Variants in NARS2 observed in about 807,000 individuals in gnomAD.
The protein encoded by NARS2 is asparaginyl-tRNA synthetase 2, mitochondrial, also known as asparaginyl-tRNA synthetase.
Under a neutral mutation model 62.9 loss-of-function variants are expected in NARS2, and 60 were observed. The ratio of observed to expected loss-of-function variants is 0.95; its 90% CI spans 0.77 to 1.18. The LOEUF (loss-of-function observed/expected upper bound fraction) is 1.18. Among genes scored for constraint, NARS2 ranks in the 50% most tolerant of loss-of-function variants. The pLI is 0.00. For synonymous variants in NARS2, 196 were observed against 200.0 expected, an observed-to-expected ratio of 0.98 and a Z score of 0.17; for missense variants, 619 against 576.4, an observed-to-expected ratio of 1.07 and a Z score of -0.76.
At chr11:78,558,429 G>A (rs767755366) in intron 5 of NARS2, 9 of 152,050 alleles carry the variant, frequency 5.9e-5, no homozygotes, top group South Asian at 4.1e-4. Flanking sequence ...GCACTGAACC[G>A]GAGAAAGCAG....
intron 9 of NARS2, among the ~76,000 whole-genome samples, chr11:78,475,777 T>A (rs1423629938): frequency 6.6e-6 from 1 of 151,804 alleles, no homozygotes; most frequent in Non-Finnish European, 1.5e-5. Flanking sequence ...ATTTATTTAT[T>A]TTTTGTAGAG....
At chr11:78,557,633 TCCCACAAATTCCTTTC>T (rs1856402144) in intron 5 of NARS2, among the ~76,000 whole-genome samples, 1 of 152,180 alleles carries the variant, frequency 6.6e-6, no homozygotes, top group Admixed American at 6.5e-5. Flanking sequence ...GCAAATTCAA[TCCCACAAATTCCTTTC>T]CCTGGCTCTG....
At chr11:78,480,660 C>A (rs1368856265) in intron 7 of NARS2, among the ~76,000 whole-genome samples, 1 of 146,858 alleles carries the variant, frequency 6.8e-6, no homozygotes, top group African/African-American at 2.5e-5. Flanking sequence ...CTATTTAAGG[C>A]ACTGATCACA....
At chr11:78,452,107 A>T (rs1460030447) in intron 11 of NARS2, among the ~76,000 whole-genome samples, 2 of 150,378 alleles carry the variant, frequency 1.3e-5, no homozygotes, top group African/African-American at 2.4e-5. Flanking sequence ...AAATTTTTCA[A>T]TTTTTTTTTT....
At chr11:78,544,840 C>T (rs192910149) in intron 5 of NARS2, among the ~76,000 whole-genome samples, 1,601 of 149,004 alleles carry the variant, frequency 0.011, 33 homozygotes, top group African/African-American at 0.038. Flanking sequence ...ATTAGCTGCG[C>T]GTGGTGGTGG....
intron 9 of NARS2, among the ~76,000 whole-genome samples, chr11:78,470,956 C>A (rs1393377787): frequency 6.8e-6 from 1 of 147,314 alleles, no homozygotes; most frequent in Non-Finnish European, 1.5e-5. Context: ...AATAATTTAT[C>A]CAGCACAAAC....
At chr11:78,441,178 G>C in intron 12 of NARS2, 61 bp from the exon 13 acceptor site, 1 of 1,468,534 alleles carries the variant, frequency 6.8e-7, no homozygotes, top group East Asian at 2.3e-5. Context: ...TTAACCACTA[G>C]ACATTTATTC....
chr11:78,571,400 C>T lies in NARS2; in HGVS notation c.186G>A (p.Leu62=). 3 of 1,613,494 alleles carry T rather than the reference C, an allele frequency of 1.9e-6. No individual in the cohort carries two copies. Among genetic ancestry groups the T allele is most frequent in the Non-Finnish European group, 2.5e-6 (3 of 1,179,884 alleles). The part of the protein sequence containing the change: ...SVRSQKEVLF[L]HVNDGSSLES... ...CCAAAGATGACCCATCATTTACATG[C>T]AGGAACAAGACTTCCTTCTGGGATC... The change falls in exon 2 of 14, where the codon CTG becomes CTA. Residue 62 remains leucine, a synonymous_variant. Transcript: ENST00000281038.
intron 11 of NARS2, among the ~76,000 whole-genome samples, chr11:78,450,406 A>T (rs12287010): frequency 0.22 from 34,200 of 152,028 alleles, 4,181 homozygotes; most frequent in East Asian, 0.41. Flanking sequence ...GTACTAATTT[A>T]ATGGTATGCA....
intron 7 of NARS2, among the ~76,000 whole-genome samples, chr11:78,489,205 G>A (rs909505238): frequency 6.6e-6 from 1 of 152,068 alleles, no homozygotes; most frequent in Middle Eastern, 3.2e-3. Flanking sequence ...CAAGGAACTA[G>A]TAGCTAGAAT....
intron 7 of NARS2, among the ~76,000 whole-genome samples, chr11:78,490,784 G>T (rs12292751): frequency 0.023 from 3,533 of 152,044 alleles, 125 homozygotes; most frequent in African/African-American, 0.073. Flanking sequence ...ATAAAGAAAA[G>T]AAAATGAAAT....
intron 12 of NARS2, 112 bp downstream of exon 12, chr11:78,443,547 CAG>C: frequency 1.8e-6 from 1 of 569,858 alleles, no homozygotes; most frequent in Admixed American, 2.9e-5. Flanking sequence ...ATCTGAGATC[CAG>C]TTCTGTCAGG....
Position 78,509,910 on chromosome 11 carries a change from C to T in NARS2, c.690-16715G>A, listed in dbSNP as rs552607638. Among the ~76,000 whole-genome samples the T allele has an allele frequency of 2.6e-5, 4 of 151,276 alleles. No individual in the cohort carries two copies. The South Asian group carries it at 8.3e-4, about 32-fold the overall frequency. On this transcript the variant is annotated intron_variant, in intron 6 of 13. Coordinates refer to ENST00000281038, the MANE Select transcript of NARS2 (RefSeq NM_024678.6). ...TACTGAAGTTGAGCTGGTATAAATTCAAGTTAGATTGTTATAATTTTAGGA... is the reference window on the plus strand; with the variant it reads ...TACTGAAGTTGAGCTGGTATAAATTTAAGTTAGATTGTTATAATTTTAGGA...
At chr11:78,553,512 C>T (rs1380058965) in intron 5 of NARS2, among the ~76,000 whole-genome samples, 2 of 152,158 alleles carry the variant, frequency 1.3e-5, no homozygotes, top group Admixed American at 6.5e-5. Context: ...TGGTCTCGAA[C>T]TCCTGACCTC....
Position 78,478,427 on chromosome 11 carries a change from C to G in NARS2, c.959+11G>C. On this transcript the variant is annotated intron_variant, in intron 9 of 13. Transcript: ENST00000281038. ...AATGAATAAAGTTCAAAAAGTATAA[C>G]ATCTACTTACATTAAAAAGTTGTTT... 1 of 1,029,624 alleles carries G rather than the reference C, an allele frequency of 9.7e-7. No individual in the cohort carries two copies. The allele number at this position is 1,029,624 out of a possible 1,614,324, so 63.8% of individuals were successfully genotyped here. A position where few individuals can be genotyped will look rare whatever the true frequency, so the allele number is the denominator to read the frequency against.
intron 5 of NARS2, among the ~76,000 whole-genome samples, chr11:78,536,742 T>TA (rs2135448449): frequency 6.6e-6 from 1 of 152,232 alleles, no homozygotes; most frequent in South Asian, 2.1e-4. Flanking sequence ...TTTTAAAAAA[T>TA]AAATTTAGTG....
At chr11:78,444,649 G>A (rs1857688244) in intron 11 of NARS2, among the ~76,000 whole-genome samples, 2 of 149,510 alleles carry the variant, frequency 1.3e-5, no homozygotes, top group African/African-American at 2.5e-5. Flanking sequence ...AACCCAGGAG[G>A]TGGAGGTCAC....
At chr11:78,455,017 A>G (rs192612841) in intron 11 of NARS2, among the ~76,000 whole-genome samples, 10 of 152,308 alleles carry the variant, frequency 6.6e-5, no homozygotes, top group African/African-American at 2.4e-4. Flanking sequence ...TTTTAGGTTC[A>G]TTTCTTTCTC....
At chr11:78,483,339 T>C (rs1238255085) in intron 7 of NARS2, among the ~76,000 whole-genome samples, 1 of 152,310 alleles carries the variant, frequency 6.6e-6, no homozygotes, top group African/African-American at 2.4e-5. Context: ...AAGACAAGGA[T>C]GCCCTCTCTC....
Sources: allele counts gnomAD v4.1 joint callset (sites outside exome capture counted in the v4.1 genomes callset), GRCh38; gene constraint gnomAD v4.1.1; transcripts MANE v1.5; gene names NCBI Gene and HGNC (gene_info 2026-07-23, HGNC 2026-07-21).